MCM2: variants seen among roughly 807,000 people sequenced by gnomAD.
MCM2 encodes the protein minichromosome maintenance complex component 2, also known as DNA replication licensing factor MCM2.
In MCM2, 49 loss-of-function variants were observed where a neutral mutation model predicts 86.4. That is an observed-to-expected ratio of 0.57 (90% CI 0.45 to 0.72). The LOEUF is 0.72. MCM2 is among the 30% of genes least tolerant of loss of function. The pLI is 0.00. For missense variants in MCM2, 1,038 were observed against 1,259.9 expected (o/e 0.82, Z 2.67); for synonymous variants, 475 against 484.6 (o/e 0.98, Z 0.26).
intron 8 of MCM2, among the ~76,000 whole-genome samples, chr3:127,613,747 C>T (rs1196465164): frequency 6.6e-6 from 1 of 152,160 alleles, no homozygotes; most frequent in African/African-American, 2.4e-5. Context: ...TTGTCTTAGT[C>T]CATTTTCTGC....
At chr3:127,608,100 C>G (rs534762319) in intron 6 of MCM2, among the ~76,000 whole-genome samples, 1 of 152,332 alleles carries the variant, frequency 6.6e-6, no homozygotes, top group South Asian at 2.1e-4. Flanking sequence ...ACACAGAACC[C>G]AGGCAGCCTG....
intron 8 of MCM2, 146 bp from the exon 9 acceptor site, chr3:127,615,716 A>G: frequency 3.1e-6 from 2 of 645,122 alleles, no homozygotes; most frequent in South Asian, 3.6e-5. Context: ...GCACGGCTTG[A>G]TACCAGGGCC....
chr3:127,618,210 T>G lies in MCM2; in HGVS notation c.2013+129T>G. On this transcript the variant is annotated intron_variant, in intron 12 of 15. Coordinates refer to ENST00000265056, the MANE Select transcript of MCM2 (RefSeq NM_004526.4). The surrounding 1 kb of genome is among the most constrained non-coding windows in gnomAD (Gnocchi z 4.0). ...GGCCATAGGCTGTTTTCTAGTCCTG[T>G]TCCCTCGGTCTCTTCTCATGTCCAG... is the stretch of plus-strand genomic sequence containing the variant. The G allele has an allele frequency of 1.4e-6, 1 of 707,952 alleles. No individual in the cohort carries two copies. Among genetic ancestry groups the G allele is most frequent in the Non-Finnish European group, 2.5e-6 (1 of 397,320 alleles). 43.9% of individuals were successfully genotyped at this position (707,952 alleles called of 1,614,324 possible).
chr3:127,608,764 A>G lies in MCM2; in HGVS notation c.1237-68A>G. 4.0e-6 allele frequency: 6 copies of G among 1,509,700 alleles called. No individual in the cohort carries two copies. In the Admixed American group the frequency reaches 1.0e-4, roughly 26 times the overall value. The allele number at this position is 1,509,700 out of a possible 1,614,324, so 93.5% of individuals were successfully genotyped here. On this transcript the variant is annotated intron_variant, in intron 7 of 15. Coordinates refer to ENST00000265056, the MANE Select transcript of MCM2 (RefSeq NM_004526.4). ...GAGCACTTGCAATAGGAGAAACTGG[A>G]GGAAGGCAGCACGGAGGTGGGCACC...
intron 13 of MCM2, among the ~76,000 whole-genome samples, chr3:127,619,534 C>T (rs150893301): frequency 6.6e-6 from 1 of 151,834 alleles, no homozygotes; most frequent in East Asian, 1.9e-4. Context: ...CAAAAATTAG[C>T]CGGGTGTGGT....
intron 8 of MCM2, among the ~76,000 whole-genome samples, chr3:127,611,324 A>G (rs2074393199): frequency 1.3e-5 from 2 of 152,164 alleles, no homozygotes; most frequent in Non-Finnish European, 2.9e-5. Context: ...ACGCCAAAGG[A>G]GCTGCATGCT....
rs983466016 is a variant in MCM2 at position 127,612,198 on chromosome 3, C to T, written c.1428+3175C>T. 4.6e-5 allele frequency among the ~76,000 whole-genome samples: 7 copies of T among 152,336 alleles called. No individual in the cohort carries two copies. In the East Asian group the frequency reaches 5.8e-4, roughly 13 times the overall value. ...AGGGCCTGTGTCCCCAGGTTTACCC[C>T]GTCCCCTACTCTGTCAGTTTCATGG... On this transcript the variant is annotated intron_variant, in intron 8 of 15. Coordinates refer to ENST00000265056, the MANE Select transcript of MCM2 (RefSeq NM_004526.4).
intron 9 of MCM2, 21 bp from the exon 10 acceptor site, chr3:127,616,847 G>T: frequency 6.2e-7 from 1 of 1,603,822 alleles, no homozygotes; most frequent in South Asian, 1.1e-5. Context: ...CCCCTCCCCC[G>T]CTTCTACTCA....
At chr3:127,603,487 T>G (rs1559861039) in intron 2 of MCM2, among the ~76,000 whole-genome samples, 1 of 151,694 alleles carries the variant, frequency 6.6e-6, no homozygotes, top group Non-Finnish European at 1.5e-5. Flanking sequence ...TTGTTTTGTT[T>G]TGTTTGCTAG....
Position 127,618,577 on chromosome 3 carries a change from TTCTC to T in MCM2, c.2014-445_2014-442del, listed in dbSNP as rs572275339. Among the ~76,000 whole-genome samples, 786 of 152,228 alleles carry T rather than the reference TTCTC, an allele frequency of 5.2e-3. 6 individuals carry two copies. Among genetic ancestry groups the T allele is most frequent in the African/African-American group, 0.017 (716 of 41,554 alleles). ...CCCTCACCTGCACCTGCACCTGCCCTTCTCTCTCAAAAGGGCCGAGCCTTGGGGC... is the reference window on the plus strand; with the variant it reads ...CCCTCACCTGCACCTGCACCTGCCCTTCTCAAAAGGGCCGAGCCTTGGGGC... On this transcript the variant is annotated intron_variant, in intron 12 of 15. Transcript: ENST00000265056. The surrounding 1 kb of genome is among the most constrained non-coding windows in gnomAD (Gnocchi z 4.0).
At chr3:127,598,568 G>A in intron 1 of MCM2, 96 bp downstream of exon 1, 1 of 1,483,360 alleles carries the variant, frequency 6.7e-7, no homozygotes, top group African/African-American at 1.4e-5. Context: ...GCGGCGCTCT[G>A]GGTGAGGCTG....
chr3:127,610,425 T>G (rs1316261553), intron 8 of MCM2, among the ~76,000 whole-genome samples: 1 of 152,184 alleles, frequency 6.6e-6, no homozygotes, highest in Non-Finnish European at 1.5e-5. Context: ...TTAGCTGATT[T>G]GTTTTGGTTG....
rs1396494455 is a variant in MCM2 at position 127,606,420 on chromosome 3, G to T, written c.893+83G>T. ...GTGATTCCTGAAGAGCGATTGTGGT[G>T]TGGGCGGGGAGGGTGCAGCCAGCAG... On this transcript the variant is annotated intron_variant, in intron 5 of 15. Coordinates refer to ENST00000265056, the MANE Select transcript of MCM2 (RefSeq NM_004526.4). The surrounding 1 kb of genome is among the most constrained non-coding windows in gnomAD (Gnocchi z 4.2). 2 of 1,427,022 alleles carry T rather than the reference G, an allele frequency of 1.4e-6. No homozygotes were observed. The highest frequency in any genetic ancestry group is 3.7e-5 in the Admixed American group (2 of 53,988). The allele number at this position is 1,427,022 out of a possible 1,614,324, so 88.4% of individuals were successfully genotyped here.
At position 127,606,552 on chromosome 3, in the gene MCM2, G is replaced by A. The variant is rs1258447293; in HGVS notation, c.894-58G>A. On this transcript the variant is annotated intron_variant, in intron 5 of 15. Coordinates refer to ENST00000265056, the MANE Select transcript of MCM2 (RefSeq NM_004526.4). The surrounding 1 kb of genome is among the most constrained non-coding windows in gnomAD (Gnocchi z 4.2). ...CAGGACAGTGTGTTGGGACACTCTCGTCTGCAGCCTGGCCTCACCCTGGCT... is the reference window on the plus strand; with the variant it reads ...CAGGACAGTGTGTTGGGACACTCTCATCTGCAGCCTGGCCTCACCCTGGCT... The A allele has an allele frequency of 1.1e-5, 17 of 1,509,206 alleles. No homozygotes were observed. The highest frequency in any genetic ancestry group is 3.4e-5 in the Admixed American group (2 of 59,444). 93.5% of individuals were successfully genotyped at this position (1,509,206 alleles called of 1,614,324 possible). A position where few individuals can be genotyped will look rare whatever the true frequency, so the allele number is the denominator to read the frequency against.
At position 127,618,179 on chromosome 3, in the gene MCM2, T is replaced by G; in HGVS notation, c.2013+98T>G. The stretch of plus-strand genomic sequence containing the variant: ...TGTGCCCAACACAGGGGACAGGTGC[T>G]GCAGGGGCCATAGGCTGTTTTCTAG... On this transcript the variant is annotated intron_variant, in intron 12 of 15. Transcript: ENST00000265056. This position sits in a 1 kb window ranked among gnomAD's most constrained non-coding sequence, Gnocchi z 4.0. The G allele has an allele frequency of 1.1e-6, 1 of 905,290 alleles. No homozygotes were observed. The highest frequency in any genetic ancestry group is 1.8e-6 in the Non-Finnish European group (1 of 557,436). 56.1% of individuals were successfully genotyped at this position (905,290 alleles called of 1,614,324 possible).
At chr3:127,615,711 G>C in intron 8 of MCM2, 151 bp from the exon 9 acceptor site, 1 of 637,896 alleles carries the variant, frequency 1.6e-6, no homozygotes, top group Non-Finnish European at 2.8e-6. Context: ...GTCGGGCACG[G>C]CTTGATACCA....
At chr3:127,604,834 C>G (rs1246881132) in intron 3 of MCM2, 51 bp downstream of exon 3, 5 of 1,573,266 alleles carry the variant, frequency 3.2e-6, no homozygotes, top group Non-Finnish European at 4.3e-6. Flanking sequence ...GGGAAGGAGT[C>G]TGGGAGGGGA....
chr3:127,619,140 G>T lies in MCM2; in HGVS notation c.2127G>T (p.Thr709=), dbSNP rs199907942. 4 of 1,614,142 alleles carry T rather than the reference G, an allele frequency of 2.5e-6. No individual in the cohort carries two copies. Among genetic ancestry groups the T allele is most frequent in the Middle Eastern group, 3.3e-4 (2 of 6,062 alleles). Residue 709 remains threonine (T), a synonymous_variant, in exon 13 of 16, where the codon ACG becomes ACT. Coordinates refer to ENST00000265056, the MANE Select transcript of MCM2 (RefSeq NM_004526.4). ...GSAAEPAMPN[T]YGVEPLPQEV... ...CTGCTGAGCCCGCCATGCCCAACAC[G>T]TATGGCGTGGAGCCCCTGCCCCAGG...
chr3:127,614,698 G>C (rs919793802), intron 8 of MCM2, among the ~76,000 whole-genome samples: 8 of 152,138 alleles, frequency 5.3e-5, no homozygotes, highest in African/African-American at 1.7e-4. Context: ...TGGTTCCCAG[G>C]TGACCTGGGT....
Sources: gnomAD v4.1 joint callset for allele counts (sites outside exome capture counted in the v4.1 genomes callset) on GRCh38, gnomAD v4.1.1 for gene constraint, Gnocchi (gnomAD v3.1) non-coding constraint, MANE v1.5 for transcripts, NCBI Gene and HGNC (gene_info 2026-07-23, HGNC 2026-07-21) for gene names.